The following SUFU variants were observed in gnomAD, a reference collection of about 807,000 sequenced individuals.
SUFU encodes the protein suppressor of fused homolog.
Under a neutral mutation model 58.9 loss-of-function variants are expected in SUFU, and 7 were observed. The ratio of observed to expected loss-of-function variants is 0.12; its 90% CI spans 0.07 to 0.22. The LOEUF (loss-of-function observed/expected upper bound fraction) is 0.22, where lower values mean the gene tolerates loss of function less well. SUFU is among the 10% of genes least tolerant of loss of function. SUFU has a pLI of 1.00. For missense variants in SUFU, 451 were observed against 641.3 expected, an observed-to-expected ratio of 0.70 and a Z score of 3.20; for synonymous variants, 232 against 254.8, an observed-to-expected ratio of 0.91 and a Z score of 0.85.
chr10:102,579,569 A>G (rs2063251531), intron 3 of SUFU, among the ~76,000 whole-genome samples: 1 of 152,200 alleles, frequency 6.6e-6, no homozygotes, highest in Non-Finnish European at 1.5e-5. Context: ...GAAAATGCAT[A>G]GGGAAGCAGT....
At position 102,619,510 on chromosome 10, in the gene SUFU, C is replaced by G. The variant is rs941613949; in HGVS notation, c.1296+2082C>G. On this transcript the variant is annotated intron_variant, in intron 10 of 11. Transcript: ENST00000369902. The surrounding 1 kb of genome is among the most constrained non-coding windows in gnomAD (Gnocchi z 4.2). ...TCATTAGTGTGGTCCACCACGGGGC[C>G]GGCTCACAGGAGAGCTCCTGGGAAG... 1.8e-6 allele frequency: 2 copies of G among 1,125,406 alleles called. No individual in the cohort carries two copies. The highest frequency in any genetic ancestry group is 9.1e-5 in the East Asian group (2 of 21,948). The allele number at this position is 1,125,406 out of a possible 1,614,324, so 69.7% of individuals were successfully genotyped here.
intron 3 of SUFU, among the ~76,000 whole-genome samples, chr10:102,587,523 G>A (rs2063346795): frequency 2.0e-5 from 3 of 152,124 alleles, no homozygotes; most frequent in Non-Finnish European, 4.4e-5. Flanking sequence ...CGAAGTCTTG[G>A]TCTTGTCACC....
chr10:102,516,272 C>T (rs2062469347), intron 2 of SUFU, among the ~76,000 whole-genome samples: 1 of 151,640 alleles, frequency 6.6e-6, no homozygotes, highest in Admixed American at 6.6e-5. Context: ...TGGGGTTTTA[C>T]TATGTTGGCC....
intron 2 of SUFU, among the ~76,000 whole-genome samples, chr10:102,543,337 G>C (rs947156172): frequency 6.6e-6 from 1 of 152,030 alleles, no homozygotes; most frequent in Non-Finnish European, 1.5e-5. Flanking sequence ...TTATGCTTAA[G>C]GGATATCTGT....
At chr10:102,620,894 A>G (rs1248556370) in intron 10 of SUFU, among the ~76,000 whole-genome samples, 1 of 152,242 alleles carries the variant, frequency 6.6e-6, no homozygotes, top group Non-Finnish European at 1.5e-5. Context: ...CATAGGGGTC[A>G]CATCACCAAA....
At chr10:102,510,526 A>G (rs1221243327) in intron 2 of SUFU, among the ~76,000 whole-genome samples, 1 of 150,206 alleles carries the variant, frequency 6.7e-6, no homozygotes, top group African/African-American at 2.4e-5. Context: ...CTATATTTTA[A>G]AAAGATTTTT....
At chr10:102,582,136 G>A (rs1326959156) in intron 3 of SUFU, among the ~76,000 whole-genome samples, 2 of 152,216 alleles carry the variant, frequency 1.3e-5, no homozygotes, top group Non-Finnish European at 2.9e-5. Flanking sequence ...ACAGCGCCAA[G>A]CTTCACGCTC....
intron 2 of SUFU, among the ~76,000 whole-genome samples, chr10:102,546,680 G>T (rs1412483483): frequency 6.6e-6 from 1 of 152,256 alleles, no homozygotes; most frequent in Non-Finnish European, 1.5e-5. Context: ...TGCTTGGGCA[G>T]CCTGCTTTGA....
At chr10:102,607,490 T>C (rs535983139) in intron 8 of SUFU, among the ~76,000 whole-genome samples, 6 of 152,268 alleles carry the variant, frequency 3.9e-5, no homozygotes, top group East Asian at 1.9e-4. Context: ...AGCATTGATA[T>C]AGTCATAAAA....
At chr10:102,557,222 C>T (rs1197608028) in intron 3 of SUFU, among the ~76,000 whole-genome samples, 5 of 150,302 alleles carry the variant, frequency 3.3e-5, no homozygotes, top group African/African-American at 1.2e-4. Flanking sequence ...AGAGCAAGAC[C>T]CTGCCTCTAA....
chr10:102,516,987 G>A (rs182190409), intron 2 of SUFU, among the ~76,000 whole-genome samples: 7 of 151,586 alleles, frequency 4.6e-5, no homozygotes, highest in African/African-American at 1.7e-4. Flanking sequence ...GCCGGGTGTG[G>A]TGGTGGGCAC....
intron 8 of SUFU, among the ~76,000 whole-genome samples, chr10:102,612,169 TTGTGTGTGTGTGTGTGTGTGTG>T (rs34032732): frequency 8.8e-5 from 13 of 148,226 alleles, no homozygotes; most frequent in Admixed American, 1.3e-4. Flanking sequence ...AACTGGGTTC[TTGTGTGTGTGTGTGTGTGTGTG>T]TGTGTGTGTG....
At position 102,628,571 on chromosome 10, in the gene SUFU, G is replaced by A. The variant is rs2063808031; in HGVS notation, c.1365+1328G>A. On this transcript the variant is annotated intron_variant, in intron 11 of 11. Transcript: ENST00000369902. The surrounding 1 kb of genome is among the most constrained non-coding windows in gnomAD (Gnocchi z 4.5). ...GGCTGCTGCTTTGAGCTTGGGGGTA[G>A]GAGGGGGACAGTCCAGGCAAGAGGG... Among the ~76,000 whole-genome samples the A allele has an allele frequency of 6.6e-6, 1 of 152,188 alleles. No individual in the cohort carries two copies. The highest frequency in any genetic ancestry group is 1.5e-5 in the Non-Finnish European group (1 of 68,022).
chr10:102,542,615 A>G (rs1590011656), intron 2 of SUFU, among the ~76,000 whole-genome samples: 1 of 118,602 alleles, frequency 8.4e-6, no homozygotes, highest in Non-Finnish European at 1.7e-5. Flanking sequence ...ATACTATAAT[A>G]TCCTTTTGCT....
At chr10:102,612,168 C>CTT (rs1242809821) in intron 8 of SUFU, among the ~76,000 whole-genome samples, 9 of 98,328 alleles carry the variant, frequency 9.2e-5, no homozygotes, top group Admixed American at 3.3e-4. Flanking sequence ...AAACTGGGTT[C>CTT]TTGTGTGTGT....
chr10:102,588,456 T>A (rs947219001), intron 3 of SUFU, among the ~76,000 whole-genome samples: 3 of 152,034 alleles, frequency 2.0e-5, no homozygotes, highest in Non-Finnish European at 4.4e-5. Flanking sequence ...TTCAGGCCTC[T>A]CAATTCTATT....
chr10:102,588,091 C>T (rs572222461), intron 3 of SUFU, among the ~76,000 whole-genome samples: 1 of 152,224 alleles, frequency 6.6e-6, no homozygotes, highest in African/African-American at 2.4e-5. Context: ...GTTTTGGCCC[C>T]CTTGTTGAAA....
chr10:102,583,398 T>C (rs1348844327), intron 3 of SUFU, among the ~76,000 whole-genome samples: 2 of 152,172 alleles, frequency 1.3e-5, no homozygotes, highest in Non-Finnish European at 2.9e-5. Flanking sequence ...GGCCAAAGCC[T>C]GATCACACAT....
chr10:102,533,522 C>T (rs1425291135), intron 2 of SUFU, among the ~76,000 whole-genome samples: 1 of 151,964 alleles, frequency 6.6e-6, no homozygotes, highest in Non-Finnish European at 1.5e-5. Flanking sequence ...AACAGTGAGC[C>T]GTGATCATGC....
Sources: gnomAD v4.1 joint callset for allele counts (sites outside exome capture counted in the v4.1 genomes callset) on GRCh38, gnomAD v4.1.1 for gene constraint, Gnocchi (gnomAD v3.1) non-coding constraint, MANE v1.5 for transcripts, NCBI Gene and HGNC (gene_info 2026-07-23, HGNC 2026-07-21) for gene names.